Variants in AP1G1 observed in about 807,000 individuals in gnomAD.
The protein encoded by AP1G1 is adaptor related protein complex 1 subunit gamma 1.
A neutral mutation model predicts 108.3 loss-of-function variants in AP1G1; 7 were observed. That is an observed-to-expected ratio of 0.06 (90% CI 0.04 to 0.12). The LOEUF is 0.12. AP1G1 is among the 10% of genes least tolerant of loss of function. The pLI is 1.00. For missense variants in AP1G1, 756 were observed against 1,010.7 expected, an observed-to-expected ratio of 0.75 and a Z score of 3.42; for synonymous variants, 379 against 353.5, an observed-to-expected ratio of 1.07 and a Z score of -0.81.
Position 71,748,984 on chromosome 16 carries a change from G to A in AP1G1, c.1498-606C>T, listed in dbSNP as rs2030338719. 2.0e-5 allele frequency among the ~76,000 whole-genome samples: 3 copies of A among 151,864 alleles called. No individual in the cohort carries two copies. The South Asian group carries it at 6.2e-4, about 32-fold the overall frequency. On this transcript the variant is annotated intron_variant, in intron 15 of 22. Coordinates refer to ENST00000299980, the MANE Select transcript of AP1G1 (RefSeq NM_001128.6). ...TGCAGTGGCGCAATCTTGGCTCACT[G>A]CAAGCTCCACCTCCCGGGTTCACGC...
chr16:71,736,488 C>A (rs1232245737), intron 21 of AP1G1, among the ~76,000 whole-genome samples: 1 of 150,486 alleles, frequency 6.6e-6, no homozygotes, highest in African/African-American at 2.4e-5. Flanking sequence ...TCATGCCATT[C>A]TCCTGCCTCA....
intron 14 of AP1G1, 70 bp from the exon 15 acceptor site, chr16:71,750,053 G>C (rs2030403677): frequency 1.3e-6 from 2 of 1,491,384 alleles, no homozygotes; most frequent in Non-Finnish European, 1.9e-6. Context: ...CAAATCATAG[G>C]TCATCTCATA....
rs1457948384 is a variant in AP1G1, at chr16:71,731,748, T to C, written c.*1310A>G. The C allele has an allele frequency of 6.6e-6, 1 of 152,584 alleles. No individual in the cohort carries two copies. The highest frequency in any genetic ancestry group is 2.4e-5 in the African/African-American group (1 of 41,428). 9.5% of individuals were successfully genotyped at this position (152,584 alleles called of 1,614,324 possible). On this transcript the variant is annotated 3_prime_UTR_variant, in exon 23 of 23. Transcript: ENST00000299980. ...TGTGAATATTCATGAGATTCGTCTT[T>C]TAAAAGAGACCAATTTCTCAGACTG...
chr16:71,767,395 T>C (rs1001990516), intron 6 of AP1G1, among the ~76,000 whole-genome samples: 1 of 152,188 alleles, frequency 6.6e-6, no homozygotes, highest in African/African-American at 2.4e-5. Context: ...CCAAAACTTC[T>C]ATGTAAGATT....
chr16:71,760,533 GA>G (rs1486794827), intron 10 of AP1G1, among the ~76,000 whole-genome samples: 5 of 136,430 alleles, frequency 3.7e-5, no homozygotes, highest in Non-Finnish European at 7.7e-5. Flanking sequence ...CAACAAGAGC[GA>G]AACTCCATCT....
chr16:71,789,227 A>C, intron 2 of AP1G1, 52 bp downstream of exon 2: 1 of 1,514,008 alleles, frequency 6.6e-7, no homozygotes, highest in South Asian at 1.2e-5. Context: ...ACAATCCCTG[A>C]GCAACAATGT....
intron 4 of AP1G1, among the ~76,000 whole-genome samples, chr16:71,772,699 T>C (rs1425291162): frequency 1.2e-4 from 18 of 152,208 alleles, no homozygotes; most frequent in Admixed American, 1.2e-3. Context: ...CTAAATTCCA[T>C]ACACTTCATT....
intron 2 of AP1G1, among the ~76,000 whole-genome samples, chr16:71,783,295 A>G (rs1171770728): frequency 6.6e-6 from 1 of 152,252 alleles, no homozygotes; most frequent in Non-Finnish European, 1.5e-5. Context: ...CATTGTTTGC[A>G]GACAATAGTA....
Position 71,808,802 on chromosome 16 carries a change from G to GGCGGCAGCAGTGGCA in AP1G1, c.-58_-44dup. The stretch of plus-strand genomic sequence containing the variant: ...GAATGAAACCAGCAGCTCCGGGGGC[G>GGCGGCAGCAGTGGCA]GCGGCAGCAGTGGCAGCAGGAACCG... On this transcript the variant is annotated 5_prime_UTR_variant, in exon 1 of 23. Transcript: ENST00000299980. 1 of 1,289,712 alleles carries GGCGGCAGCAGTGGCA rather than the reference G, an allele frequency of 7.8e-7. No individual in the cohort carries two copies. Among genetic ancestry groups the GGCGGCAGCAGTGGCA allele is most frequent in the African/African-American group, 1.5e-5 (1 of 65,992 alleles). 79.9% of individuals were successfully genotyped at this position (1,289,712 alleles called of 1,614,324 possible). A position where few individuals can be genotyped will look rare whatever the true frequency, so the allele number is the denominator to read the frequency against.
chr16:71,800,200 TA>T (rs1231534802), intron 1 of AP1G1, among the ~76,000 whole-genome samples: 104 of 124,870 alleles, frequency 8.3e-4, no homozygotes, highest in Admixed American at 8.2e-4. Flanking sequence ...CTGTCTCTAC[TA>T]AAAAAAAAAA....
At chr16:71,745,802 C>CA (rs1182818229) in intron 17 of AP1G1, among the ~76,000 whole-genome samples, 188 bp from the exon 18 acceptor site, 9 of 151,306 alleles carry the variant, frequency 5.9e-5, no homozygotes, top group Non-Finnish European at 1.2e-4. Flanking sequence ...TAAGGGCAGA[C>CA]AAAAAAATCT....
chr16:71,749,929 C>T lies in AP1G1; in HGVS notation c.1462G>A (p.Val488Ile), dbSNP rs1555552189. The part of the protein sequence containing the change: ...WCIGEYGDLL[V>I]SGQCEEEEPI... ...TCTTCCTCTTCACACTGGCCAGATA[C>T]AAGAAGATCACCATATTCACCTATA... is the stretch of plus-strand genomic sequence containing the variant. The change falls in exon 15 of 23, where the codon GTA becomes ATA. Residue 488 changes from valine to isoleucine, a missense_variant. Val to Ile is a conservative substitution (Grantham distance 29). Coordinates refer to ENST00000299980, the MANE Select transcript of AP1G1 (RefSeq NM_001128.6). 1 of 1,613,340 alleles carries T rather than the reference C, an allele frequency of 6.2e-7. No homozygotes were observed. The highest frequency in any genetic ancestry group is 1.7e-5 in the Admixed American group (1 of 60,018).
At chr16:71,746,898 A>T (rs182667589) in intron 16 of AP1G1, 1 of 404,370 alleles carries the variant, frequency 2.5e-6, no homozygotes, top group African/African-American at 2.0e-5. Flanking sequence ...GTAACACTAG[A>T]TTTTTGTCTG....
intron 12 of AP1G1, 61 bp downstream of exon 12, chr16:71,755,958 T>C: frequency 6.4e-7 from 1 of 1,561,318 alleles, no homozygotes; most frequent in Non-Finnish European, 8.7e-7. Flanking sequence ...CCCCATGTTT[T>C]AAAGACACTT....
chr16:71,746,173 C>T (rs1394533995), intron 17 of AP1G1, among the ~76,000 whole-genome samples: 1 of 152,166 alleles, frequency 6.6e-6, no homozygotes, highest in Non-Finnish European at 1.5e-5. Context: ...CCATGCCCAA[C>T]TAATTTTTTT....
At chr16:71,740,211 T>C (rs2045601560) in intron 19 of AP1G1, among the ~76,000 whole-genome samples, 1 of 152,224 alleles carries the variant, frequency 6.6e-6, no homozygotes, top group Non-Finnish European at 1.5e-5. Flanking sequence ...TAATAGCTTT[T>C]AGGCTTCCTA....
chr16:71,776,736 A>C (rs554394767), intron 2 of AP1G1, among the ~76,000 whole-genome samples: 4 of 152,292 alleles, frequency 2.6e-5, no homozygotes, highest in Non-Finnish European at 5.9e-5. Flanking sequence ...TTAGGCATTA[A>C]TACTACTTTG....
Position 71,749,960 on chromosome 16 carries a change from T to G in AP1G1, c.1431A>C (p.Ala477=). 1 of 1,613,268 alleles carries G rather than the reference T, an allele frequency of 6.2e-7. No individual in the cohort carries two copies. The highest frequency in any genetic ancestry group is 1.1e-5 in the South Asian group (1 of 91,072). The change falls in exon 15 of 23, where the codon GCA becomes GCC. Residue 477 remains alanine, a synonymous_variant. Transcript: ENST00000299980. ...YSQQPLVQVA[A]WCIGEYGDLL... ...GATCACCATATTCACCTATACACCATGCAGCCACTTGTACCAAAGGTTGCT... is the reference window on the plus strand; with the variant it reads ...GATCACCATATTCACCTATACACCAGGCAGCCACTTGTACCAAAGGTTGCT...
chr16:71,738,154 TCTC>T (rs1038432592), intron 21 of AP1G1, among the ~76,000 whole-genome samples: 5 of 151,956 alleles, frequency 3.3e-5, no homozygotes, highest in Admixed American at 3.3e-4. Context: ...TTCAAGCAAT[TCTC>T]CTGCCTCATC....
Sources: allele counts gnomAD v4.1 joint callset (sites outside exome capture counted in the v4.1 genomes callset), GRCh38; gene constraint gnomAD v4.1.1; transcripts MANE v1.5; gene names NCBI Gene and HGNC (gene_info 2026-07-23, HGNC 2026-07-21).